The following ADAMTS16 variants were observed in gnomAD, a reference collection of about 807,000 sequenced individuals.
ADAMTS16 encodes A disintegrin and metalloproteinase with thrombospondin motifs 16.
Under a neutral mutation model 145.8 loss-of-function variants are expected in ADAMTS16, and 94 were observed. The observed-to-expected ratio is 0.64, with a 90% CI of 0.55 to 0.77. The LOEUF is 0.77. Among genes scored for constraint, ADAMTS16 ranks in the 30% least tolerant of loss-of-function variants. The pLI is 0.00. For synonymous variants in ADAMTS16, 659 were observed against 604.3 expected, an observed-to-expected ratio of 1.09 and a Z score of -1.33; for missense variants, 1,585 against 1,591.5, an observed-to-expected ratio of 1.00 and a Z score of 0.07.
chr5:5,215,944 A>G (rs919765184), intron 10 of ADAMTS16, among the ~76,000 whole-genome samples: 1 of 136,156 alleles, frequency 7.3e-6, no homozygotes, highest in African/African-American at 2.9e-5. Flanking sequence ...TTGTTGATTG[A>G]TGGGCATTTG....
At chr5:5,226,188 C>T (rs1476723811) in intron 11 of ADAMTS16, among the ~76,000 whole-genome samples, 2 of 152,150 alleles carry the variant, frequency 1.3e-5, no homozygotes, top group Admixed American at 6.5e-5. Context: ...TGTATTTTCT[C>T]AGGCTGCTGA....
chr5:5,270,321 G>T (rs1411047487), intron 18 of ADAMTS16, among the ~76,000 whole-genome samples: 1 of 152,150 alleles, frequency 6.6e-6, no homozygotes, highest in Non-Finnish European at 1.5e-5. Context: ...ATGTCCATGG[G>T]CCAGAGTCAG....
chr5:5,190,185 G>A lies in ADAMTS16; in HGVS notation c.1207+55G>A, dbSNP rs959467571. 1.7e-5 allele frequency: 26 copies of A among 1,486,056 alleles called. No homozygotes were observed. The South Asian group carries it at 2.5e-4, about 15-fold the overall frequency. The allele number at this position is 1,486,056 out of a possible 1,614,324, so 92.1% of individuals were successfully genotyped here. A position where few individuals can be genotyped will look rare whatever the true frequency, so the allele number is the denominator to read the frequency against. ...GTGTGTGGAATGTGCACCCCTGGCC[G>A]TGACACAGTGTTGAGTATTTTTGCC... On this transcript the variant is annotated intron_variant, in intron 7 of 22. Coordinates refer to ENST00000274181, the MANE Select transcript of ADAMTS16 (RefSeq NM_139056.4).
chr5:5,140,660 G>A lies in ADAMTS16; in HGVS notation c.73-4G>A. ...CACCGCGATGTCGCCGCTGTTTTCC[G>A]CAGGCACCTGCGTGCGCCATGGGAC... On this transcript the variant is annotated splice_region_variant and splice_polypyrimidine_tract_variant and intron_variant, in intron 1 of 22. Coordinates refer to ENST00000274181, the MANE Select transcript of ADAMTS16 (RefSeq NM_139056.4). The A allele has an allele frequency of 1.3e-6, 2 of 1,545,716 alleles. No individual in the cohort carries two copies. Among genetic ancestry groups the A allele is most frequent in the Non-Finnish European group, 8.7e-7 (1 of 1,149,474 alleles).
intron 11 of ADAMTS16, among the ~76,000 whole-genome samples, chr5:5,224,736 CA>C (rs1331270034): frequency 1.3e-5 from 2 of 152,138 alleles, no homozygotes; most frequent in Non-Finnish European, 2.9e-5. Context: ...ATGGATTATT[CA>C]GGTGATCATT....
At chr5:5,284,993 T>C (rs1417629947) in intron 18 of ADAMTS16, among the ~76,000 whole-genome samples, 1 of 152,198 alleles carries the variant, frequency 6.6e-6, no homozygotes, top group African/African-American at 2.4e-5. Context: ...GTAACAAGAA[T>C]AGTGCTTTTG....
chr5:5,248,187 T>A (rs1248339551), intron 17 of ADAMTS16, among the ~76,000 whole-genome samples: 1 of 152,238 alleles, frequency 6.6e-6, no homozygotes, highest in Non-Finnish European at 1.5e-5. Context: ...AGGATAAAGC[T>A]TTTGGCAACA....
At chr5:5,163,467 T>C (rs1734791858) in intron 3 of ADAMTS16, among the ~76,000 whole-genome samples, 1 of 152,166 alleles carries the variant, frequency 6.6e-6, no homozygotes, top group Non-Finnish European at 1.5e-5. Context: ...GTATATGCAG[T>C]CATATATACA....
At position 5,146,415 on chromosome 5, in the gene ADAMTS16, A is replaced by G; in HGVS notation, c.461A>G (p.His154Arg). ...FCFYQGSLRSHRNSSVALSTC... is the reference protein window; with the variant it reads ...FCFYQGSLRSRRNSSVALSTC... Reference sequence around the variant, plus strand: ...TTCTATCAAGGCTCTTTGCGATCACACAGAAACTCCTCAGTGGCCCTTTCA... The same window carrying G: ...TTCTATCAAGGCTCTTTGCGATCACGCAGAAACTCCTCAGTGGCCCTTTCA... Residue 154 changes from histidine (H) to arginine (R), a missense_variant, in exon 3 of 23, where the codon CAC becomes CGC. This residue lies in a region of ADAMTS16 where 453 missense variants were observed against 412.1 expected (regional missense o/e 1.10). Transcript: ENST00000274181. 6.2e-7 allele frequency: 1 copy of G among 1,612,836 alleles called. No homozygotes were observed. Among genetic ancestry groups the G allele is most frequent in the Non-Finnish European group, 8.5e-7 (1 of 1,179,972 alleles).
chr5:5,236,151 G>GGAAGCACACAC (rs1560961683), intron 13 of ADAMTS16, among the ~76,000 whole-genome samples: 3 of 151,944 alleles, frequency 2.0e-5, no homozygotes, highest in Non-Finnish European at 4.4e-5. Flanking sequence ...GAAGCACACA[G>GGAAGCACACAC]TAATCATGGA....
At chr5:5,151,214 TC>T (rs1488258067) in intron 3 of ADAMTS16, among the ~76,000 whole-genome samples, 2 of 137,902 alleles carry the variant, frequency 1.5e-5, no homozygotes, top group Non-Finnish European at 1.6e-5. Flanking sequence ...ATTTCTTTTC[TC>T]TTATTTATTT....
At chr5:5,302,424 A>G (rs902319338) in intron 18 of ADAMTS16, among the ~76,000 whole-genome samples, 2 of 152,244 alleles carry the variant, frequency 1.3e-5, no homozygotes, top group Non-Finnish European at 2.9e-5. Context: ...AGAAAGGAGA[A>G]CCAGGATCTA....
chr5:5,146,530 C>A, intron 3 of ADAMTS16, 75 bp downstream of exon 3: 1 of 1,420,500 alleles, frequency 7.0e-7, no homozygotes, highest in Admixed American at 2.1e-5. Context: ...CAGGACTTTC[C>A]CTCGATTTCG....
intron 17 of ADAMTS16, among the ~76,000 whole-genome samples, chr5:5,248,295 G>A (rs1737517793): frequency 1.3e-5 from 2 of 152,122 alleles, no homozygotes; most frequent in Admixed American, 1.3e-4. Flanking sequence ...TAGACAGCCT[G>A]GCAAACATGA....
At chr5:5,290,517 T>A (rs1238803606) in intron 18 of ADAMTS16, among the ~76,000 whole-genome samples, 1 of 152,076 alleles carries the variant, frequency 6.6e-6, no homozygotes, top group Admixed American at 6.6e-5. Context: ...TAGCTGGACG[T>A]GGTGGTGCAT....
chr5:5,242,255 C>A, intron 17 of ADAMTS16, 64 bp downstream of exon 17: 1 of 1,580,718 alleles, frequency 6.3e-7, no homozygotes, highest in Non-Finnish European at 8.6e-7. Context: ...GCGTACATTG[C>A]ACTGGCCTTT....
At chr5:5,227,422 C>CTA (rs761632324) in intron 11 of ADAMTS16, among the ~76,000 whole-genome samples, 1 of 152,044 alleles carries the variant, frequency 6.6e-6, no homozygotes, top group South Asian at 2.1e-4. Context: ...CCGTGGAAAT[C>CTA]TATATATATA....
chr5:5,179,920 A>G (rs559734039), intron 3 of ADAMTS16, among the ~76,000 whole-genome samples: 1 of 151,268 alleles, frequency 6.6e-6, no homozygotes, highest in African/African-American at 2.4e-5. Flanking sequence ...TGATAAACCT[A>G]CTCTCCTCTG....
chr5:5,179,480 C>T (rs780885979), intron 3 of ADAMTS16, among the ~76,000 whole-genome samples: 2 of 152,130 alleles, frequency 1.3e-5, no homozygotes, highest in African/African-American at 2.4e-5. Context: ...AATTGGGTAG[C>T]GTTATACAAG....
Sources: allele counts gnomAD v4.1 joint callset (sites outside exome capture counted in the v4.1 genomes callset), GRCh38; gene constraint gnomAD v4.1.1; regional missense constraint gnomAD v4.1.1; transcripts MANE v1.5; gene names NCBI Gene and HGNC (gene_info 2026-07-23, HGNC 2026-07-21).